The following LIMA1 variants were observed in gnomAD, a reference collection of about 807,000 sequenced individuals.
LIMA1 encodes the protein LIM domain and actin-binding protein 1.
LIMA1 carries 52 observed loss-of-function variants against 62.6 expected under a neutral mutation model. That is an observed-to-expected ratio of 0.83 (90% CI 0.67 to 1.05). LIMA1 has a LOEUF of 1.05. Ranked by LOEUF, LIMA1 falls within the 50% of genes least tolerant of loss-of-function variation. The pLI is 0.00. For synonymous variants in LIMA1, 302 were observed against 317.8 expected (o/e 0.95, Z 0.53); for missense variants, 780 against 902.2 (o/e 0.86, Z 1.74).
intron 1 of LIMA1, among the ~76,000 whole-genome samples, chr12:50,268,100 G>A (rs922321949): frequency 9.2e-5 from 14 of 152,210 alleles, no homozygotes; most frequent in African/African-American, 3.4e-4. Flanking sequence ...CTTTCCTGGT[G>A]TCTGATTCTT....
At chr12:50,274,539 G>A (rs116387514) in intron 1 of LIMA1, among the ~76,000 whole-genome samples, 6 of 151,670 alleles carry the variant, frequency 4.0e-5, no homozygotes, top group African/African-American at 1.5e-4. Flanking sequence ...TCAAGATCGT[G>A]CCATTCCACT....
intron 2 of LIMA1, among the ~76,000 whole-genome samples, chr12:50,233,340 T>C (rs1941640839): frequency 6.7e-6 from 1 of 149,792 alleles, no homozygotes; most frequent in South Asian, 2.1e-4. Context: ...TGAAATTAGT[T>C]AAGTCCATAC....
At chr12:50,182,156 G>A in intron 9 of LIMA1, 119 bp from the exon 10 acceptor site, 9 of 1,094,802 alleles carry the variant, frequency 8.2e-6, no homozygotes, top group Non-Finnish European at 1.2e-5. Flanking sequence ...AATTCTCATG[G>A]AGCACTAAAC....
Position 50,208,347 on chromosome 12 carries a change from G to T in LIMA1, c.631-2279C>A, listed in dbSNP as rs578036056. On this transcript the variant is annotated intron_variant, in intron 4 of 10. Transcript: ENST00000341247. ...AAAAATGCAAAAAAATTAGCCAGGC[G>T]TGGTGGCCCGCACCTGTAATCCCAG... Among the ~76,000 whole-genome samples the T allele has an allele frequency of 6.4e-4, 97 of 152,274 alleles. 1 individual carries two copies. Among genetic ancestry groups the T allele is most frequent in the Non-Finnish European group, 1.2e-3 (85 of 68,026 alleles).
intron 1 of LIMA1, among the ~76,000 whole-genome samples, chr12:50,264,349 G>A (rs766397221): frequency 6.6e-6 from 1 of 152,150 alleles, no homozygotes; most frequent in Non-Finnish European, 1.5e-5. Context: ...TTTTAAATAG[G>A]TGAATTGTAT....
intron 4 of LIMA1, among the ~76,000 whole-genome samples, chr12:50,214,243 A>G (rs1414250191): frequency 7.7e-6 from 1 of 129,660 alleles, no homozygotes; most frequent in African/African-American, 3.2e-5. Flanking sequence ...TAGTTTTACC[A>G]AGATATGTAA....
At chr12:50,214,024 C>CCCCACACACACACACA (rs1555206567) in intron 4 of LIMA1, among the ~76,000 whole-genome samples, 1 of 104,492 alleles carries the variant, frequency 9.6e-6, no homozygotes, top group African/African-American at 3.2e-5. Context: ...TATTATCTTA[C>CCCCACACACACACACA]CACACACACA....
At position 50,177,087 on chromosome 12, in the gene LIMA1, C is replaced by A; in HGVS notation, c.2257G>T (p.Asp753Tyr). The A allele has an allele frequency of 6.3e-7, 1 of 1,589,144 alleles. No individual in the cohort carries two copies. Among genetic ancestry groups the A allele is most frequent in the Non-Finnish European group, 8.6e-7 (1 of 1,168,690 alleles). The change falls in exon 11 of 11, where the codon GAT (aspartate) becomes TAT (tyrosine). Residue 753 changes from aspartate (D) to tyrosine (Y), a missense_variant. Physicochemically the swap from Asp to Tyr is radical, Grantham distance 160. Transcript: ENST00000341247. ...EEQIKRNRYYDEDEDEE is the reference protein window; with the variant it reads ...EEQIKRNRYYYEDEDEE The stretch of plus-strand genomic sequence containing the variant: ...TGTCACTCTTCATCCTCATCCTCAT[C>A]ATAATACCGATTTCTCTTTATCTGT...
At chr12:50,260,209 G>A (rs148177857) in intron 1 of LIMA1, among the ~76,000 whole-genome samples, 3,478 of 149,530 alleles carry the variant, frequency 0.023, 127 homozygotes, top group African/African-American at 0.082. Context: ...GTGCAATGTC[G>A]CAATCTTGGC....
At chr12:50,265,146 G>A (rs1339800192) in intron 1 of LIMA1, among the ~76,000 whole-genome samples, 7 of 146,966 alleles carry the variant, frequency 4.8e-5, no homozygotes, top group Non-Finnish European at 1.0e-4. Context: ...GAGTGAGACC[G>A]TCTCAAAAAA....
chr12:50,269,198 A>C (rs1942173850), intron 1 of LIMA1, among the ~76,000 whole-genome samples: 1 of 152,220 alleles, frequency 6.6e-6, no homozygotes, highest in African/African-American at 2.4e-5. Flanking sequence ...ACATTTATTG[A>C]CCATTTACCA....
chr12:50,198,984 A>G lies in LIMA1; in HGVS notation c.972+1793T>C, dbSNP rs369689695. Among the ~76,000 whole-genome samples, 29 of 152,120 alleles carry G rather than the reference A, an allele frequency of 1.9e-4. No individual in the cohort carries two copies. The East Asian group carries it at 4.6e-3, about 24-fold the overall frequency. Reference sequence around the variant, plus strand: ...AGATTTACCCTAGCCCTCTCCTTCCACCTGTCTCTCACTGCTGCCTATGTG... The same window carrying G: ...AGATTTACCCTAGCCCTCTCCTTCCGCCTGTCTCTCACTGCTGCCTATGTG... On this transcript the variant is annotated intron_variant, in intron 7 of 10. Coordinates refer to ENST00000341247, the MANE Select transcript of LIMA1 (RefSeq NM_016357.5).
In LIMA1 at chr12:50,274,458, C is replaced by T. The variant is rs181611277; in HGVS notation, c.-24+8962G>A. Reference sequence around the variant, plus strand: ...ATTTAGCTGGGTGTGGTGGCAGGTGCCTGGAGTCCCAGCTACTTGGGAGGC... The same window carrying T: ...ATTTAGCTGGGTGTGGTGGCAGGTGTCTGGAGTCCCAGCTACTTGGGAGGC... On this transcript the variant is annotated intron_variant, in intron 1 of 10. Coordinates refer to ENST00000341247, the MANE Select transcript of LIMA1 (RefSeq NM_016357.5). Among the ~76,000 whole-genome samples the T allele has an allele frequency of 4.6e-4, 70 of 152,080 alleles. 1 individual carries two copies. Among genetic ancestry groups the T allele is most frequent in the Middle Eastern group, 6.8e-3 (2 of 294 alleles).
rs202118402 is a variant in LIMA1 at position 50,265,150 on chromosome 12, C to CA, written c.-23-16377dup. ...CCTGGGCAACAGAGTGAGACCGTCT[C>CA]AAAAAAAAAAAAAAATCAAAAATGT... On this transcript the variant is annotated intron_variant, in intron 1 of 10. Coordinates refer to ENST00000341247, the MANE Select transcript of LIMA1 (RefSeq NM_016357.5). Among the ~76,000 whole-genome samples, 922 of 113,696 alleles carry CA rather than the reference C, an allele frequency of 8.1e-3. 7 individuals carry two copies. Among genetic ancestry groups the CA allele is most frequent in the African/African-American group, 0.021 (638 of 30,500 alleles). 74.6% of individuals were successfully genotyped at this position (113,696 alleles called of 152,430 possible). A position where few individuals can be genotyped will look rare whatever the true frequency, so the allele number is the denominator to read the frequency against.
intron 1 of LIMA1, among the ~76,000 whole-genome samples, chr12:50,281,375 C>T (rs147897306): frequency 1.9e-3 from 292 of 152,278 alleles, no homozygotes; most frequent in African/African-American, 6.7e-3. Flanking sequence ...GGCATCTTAG[C>T]AGGAAAAAGT....
chr12:50,248,551 G>T, intron 2 of LIMA1, 82 bp downstream of exon 2: 1 of 845,952 alleles, frequency 1.2e-6, no homozygotes, highest in Non-Finnish European at 2.0e-6. Flanking sequence ...TTTACATTAT[G>T]TACTTCCTTC....
At position 50,209,100 on chromosome 12, in the gene LIMA1, G is replaced by C. The variant is rs76449867; in HGVS notation, c.631-3032C>G. 6.1e-4 allele frequency among the ~76,000 whole-genome samples: 92 copies of C among 150,742 alleles called. 2 individuals carry two copies. The East Asian group carries it at 0.016, about 26-fold the overall frequency. On this transcript the variant is annotated intron_variant, in intron 4 of 10. Transcript: ENST00000341247. ...GGCCTCCCAAGGTGCTGGGATTACAGGTGTGGGCCACTGCATCCGGCCTGA... is the reference window on the plus strand; with the variant it reads ...GGCCTCCCAAGGTGCTGGGATTACACGTGTGGGCCACTGCATCCGGCCTGA...
chr12:50,234,794 G>A lies in LIMA1; in HGVS notation c.120-3084C>T, dbSNP rs138432125. Among the ~76,000 whole-genome samples, 74 of 152,082 alleles carry A rather than the reference G, an allele frequency of 4.9e-4. No homozygotes were observed. The East Asian group carries it at 0.012, about 25-fold the overall frequency. ...TTTGGGAGGCCGAGCTGGGCGGATC[G>A]CTTGAACCCAGGAGTTCGAGACCAG... On this transcript the variant is annotated intron_variant, in intron 2 of 10. Coordinates refer to ENST00000341247, the MANE Select transcript of LIMA1 (RefSeq NM_016357.5).
At position 50,264,464 on chromosome 12, in the gene LIMA1, G is replaced by GC. The variant is rs79932463; in HGVS notation, c.-23-15691dup. Among the ~76,000 whole-genome samples the GC allele has an allele frequency of 5.5e-4, 83 of 152,204 alleles. 1 individual carries two copies. The highest frequency in any genetic ancestry group is 2.0e-3 in the African/African-American group (82 of 41,542). ...TGAGGTCCCTGAGAATTCTCATGTG[G>GC]CCCCCCCAGGGCTCACCTTGCCCAC... On this transcript the variant is annotated intron_variant, in intron 1 of 10. Coordinates refer to ENST00000341247, the MANE Select transcript of LIMA1 (RefSeq NM_016357.5).
Sources: allele counts gnomAD v4.1 joint callset (sites outside exome capture counted in the v4.1 genomes callset), GRCh38; gene constraint gnomAD v4.1.1; transcripts MANE v1.5; gene names NCBI Gene and HGNC (gene_info 2026-07-23, HGNC 2026-07-21).